Variants in RNF216 observed in about 807,000 individuals in gnomAD.
The protein encoded by RNF216 is E3 ubiquitin-protein ligase RNF216.
A neutral mutation model predicts 110.8 loss-of-function variants in RNF216; 72 were observed. The observed-to-expected ratio is 0.65, with a 90% CI of 0.54 to 0.79. The LOEUF is 0.79. Ranked by LOEUF, RNF216 falls within the 30% of genes least tolerant of loss-of-function variation. The pLI is 0.00. For synonymous variants in RNF216, 495 were observed against 407.5 expected (o/e 1.21, Z -2.59); for missense variants, 1,342 against 1,141.2 (o/e 1.18, Z -2.54).
At position 5,621,709 on chromosome 7, in the gene RNF216, A is replaced by C. The variant is rs1786375320; in HGVS notation, c.*1151T>G. ...AAGGCAGGGCATGAGGAGGAGGAGA[A>C]AGTGATGCCTGTGGCCAGGAAGGCT... is the stretch of plus-strand genomic sequence containing the variant. On this transcript the variant is annotated 3_prime_UTR_variant, in exon 17 of 17. Coordinates refer to ENST00000389902, the MANE Select transcript of RNF216 (RefSeq NM_207111.4). The C allele has an allele frequency of 6.6e-6, 1 of 152,604 alleles. No homozygotes were observed. The highest frequency in any genetic ancestry group is 1.5e-5 in the Non-Finnish European group (1 of 68,352). 9.5% of individuals were successfully genotyped at this position (152,604 alleles called of 1,614,324 possible). A position where few individuals can be genotyped will look rare whatever the true frequency, so the allele number is the denominator to read the frequency against.
intron 14 of RNF216, among the ~76,000 whole-genome samples, chr7:5,642,317 G>C (rs1417035930): frequency 1.3e-5 from 2 of 151,796 alleles, no homozygotes; most frequent in East Asian, 3.9e-4. Context: ...GGGTTCAAGA[G>C]ATTCTCCCAC....
intron 13 of RNF216, among the ~76,000 whole-genome samples, chr7:5,665,504 G>C (rs1439409852): frequency 6.6e-6 from 1 of 152,128 alleles, no homozygotes; most frequent in African/African-American, 2.4e-5. Flanking sequence ...GAGCCACCAG[G>C]ATTAGGTGAC....
chr7:5,690,050 C>A (rs781019137), intron 13 of RNF216, among the ~76,000 whole-genome samples: 26 of 152,140 alleles, frequency 1.7e-4, no homozygotes, highest in Non-Finnish European at 3.1e-4. Flanking sequence ...TATGGCCAGG[C>A]GCGGTGGGTG....
intron 1 of RNF216, among the ~76,000 whole-genome samples, chr7:5,767,540 CCA>C (rs1562477007): frequency 6.6e-6 from 1 of 152,048 alleles, no homozygotes; most frequent in African/African-American, 2.4e-5. Flanking sequence ...TCCCCAAAAT[CCA>C]ACAGCAGAGA....
intron 12 of RNF216, 96 bp from the exon 13 acceptor site, chr7:5,711,935 A>G: frequency 9.5e-7 from 1 of 1,052,668 alleles, no homozygotes; most frequent in Non-Finnish European, 1.4e-6. Flanking sequence ...TGGAGTTTTG[A>G]GCTGGACATT....
At chr7:5,740,290 C>T (rs1794683936) in intron 4 of RNF216, among the ~76,000 whole-genome samples, 1 of 151,846 alleles carries the variant, frequency 6.6e-6, no homozygotes, top group Non-Finnish European at 1.5e-5. Flanking sequence ...CCACGCCCGG[C>T]TAATTTTTAA....
chr7:5,634,063 G>A (rs1787246812), intron 15 of RNF216, among the ~76,000 whole-genome samples: 1 of 152,242 alleles, frequency 6.6e-6, no homozygotes. Flanking sequence ...CAGGCTGACT[G>A]TTCCCAAAAT....
At chr7:5,768,762 C>T (rs112075956) in intron 1 of RNF216, among the ~76,000 whole-genome samples, 5 of 150,702 alleles carry the variant, frequency 3.3e-5, no homozygotes, top group Admixed American at 6.7e-5. Flanking sequence ...CCCGGGTTTA[C>T]GCCATTCTCC....
chr7:5,700,060 A>G (rs1225779711), intron 13 of RNF216, among the ~76,000 whole-genome samples: 1 of 152,160 alleles, frequency 6.6e-6, no homozygotes, highest in African/African-American at 2.4e-5. Context: ...CCTCTTTGCT[A>G]CTGTTCCCCT....
chr7:5,770,078 G>A (rs1796416761), intron 1 of RNF216, among the ~76,000 whole-genome samples: 1 of 150,268 alleles, frequency 6.7e-6, no homozygotes, highest in African/African-American at 2.5e-5. Context: ...TGGGCGTGGT[G>A]GCTCACGCCT....
At chr7:5,681,923 G>A (rs1234284428) in intron 13 of RNF216, among the ~76,000 whole-genome samples, 2 of 152,198 alleles carry the variant, frequency 1.3e-5, no homozygotes, top group Non-Finnish European at 2.9e-5. Context: ...AACCCCCAGT[G>A]GTTTTCTAAA....
chr7:5,736,036 T>G (rs1363790357), intron 5 of RNF216, among the ~76,000 whole-genome samples: 1 of 152,190 alleles, frequency 6.6e-6, no homozygotes, highest in Non-Finnish European at 1.5e-5. Flanking sequence ...GAGGCTGCAG[T>G]GAGCTGAGAT....
intron 13 of RNF216, among the ~76,000 whole-genome samples, chr7:5,664,454 C>T (rs372838930): frequency 2.3e-4 from 35 of 152,294 alleles, no homozygotes; most frequent in African/African-American, 8.2e-4. Flanking sequence ...GAAAGTACTG[C>T]ATATGTTTCA....
intron 14 of RNF216, among the ~76,000 whole-genome samples, chr7:5,644,450 C>A (rs1337600631): frequency 6.6e-6 from 1 of 152,010 alleles, no homozygotes; most frequent in Non-Finnish European, 1.5e-5. Context: ...AGCATGCTTT[C>A]ATGTGCTTGT....
In RNF216 at chr7:5,620,272, TC is replaced by T. The variant is rs1189576623; in HGVS notation, c.*2587del. ...TAAGTGCAAATACTAGATTCCTCTCTCCAGTTTTAAGGCAAGTAAGAGGGGG... is the reference window on the plus strand; with the variant it reads ...TAAGTGCAAATACTAGATTCCTCTCTCAGTTTTAAGGCAAGTAAGAGGGGG... On this transcript the variant is annotated 3_prime_UTR_variant, in exon 17 of 17. Transcript: ENST00000389902. 6.6e-6 allele frequency: 1 copy of T among 152,230 alleles called. No homozygotes were observed. The highest frequency in any genetic ancestry group is 1.9e-4 in the East Asian group (1 of 5,194). 9.4% of individuals were successfully genotyped at this position (152,230 alleles called of 1,614,324 possible).
At chr7:5,668,268 G>A (rs1232093171) in intron 13 of RNF216, among the ~76,000 whole-genome samples, 1 of 145,848 alleles carries the variant, frequency 6.9e-6, no homozygotes, top group Non-Finnish European at 1.5e-5. Flanking sequence ...CGTTGGCCCC[G>A]GCTGGAGTGC....
chr7:5,690,163 T>C (rs1467490105), intron 13 of RNF216, among the ~76,000 whole-genome samples: 1 of 150,752 alleles, frequency 6.6e-6, no homozygotes, highest in Non-Finnish European at 1.5e-5. Flanking sequence ...CTGTCTCTAC[T>C]AAAAATACAA....
At chr7:5,635,288 CACTT>C (rs1315303665) in intron 15 of RNF216, among the ~76,000 whole-genome samples, 27 of 148,432 alleles carry the variant, frequency 1.8e-4, no homozygotes, top group African/African-American at 6.5e-4. Context: ...CCACTAACTT[CACTT>C]TTTTTTTTTT....
chr7:5,722,377 T>G (rs1036957867), intron 8 of RNF216, among the ~76,000 whole-genome samples: 17 of 150,182 alleles, frequency 1.1e-4, no homozygotes, highest in African/African-American at 3.9e-4. Context: ...ATGTTTTTTT[T>G]TTTGTTTGTT....
Sources: gnomAD v4.1 joint callset for allele counts (sites outside exome capture counted in the v4.1 genomes callset) on GRCh38, gnomAD v4.1.1 for gene constraint, MANE v1.5 for transcripts, NCBI Gene and HGNC (gene_info 2026-07-23, HGNC 2026-07-21) for gene names.